The following RGS7 variants were observed in gnomAD, a reference collection of about 807,000 sequenced individuals.
The protein encoded by RGS7 is regulator of G protein signaling 7, also known as regulator of G-protein signaling 7.
Under a neutral mutation model 81.1 loss-of-function variants are expected in RGS7, and 27 were observed. The ratio of observed to expected loss-of-function variants is 0.33; its 90% CI spans 0.25 to 0.46. The LOEUF (loss-of-function observed/expected upper bound fraction) is 0.46. RGS7 is among the 20% of genes least tolerant of loss of function. The pLI, the probability that RGS7 is intolerant of heterozygous loss-of-function variation, is 1.00. For missense variants in RGS7, 396 were observed against 607.4 expected (o/e 0.65, Z 3.66); for synonymous variants, 208 against 207.7 (o/e 1.00, Z -0.01).
chr1:241,220,989 G>A (rs2074900680), intron 2 of RGS7, among the ~76,000 whole-genome samples: 1 of 74,302 alleles, frequency 1.3e-5, no homozygotes, highest in Non-Finnish European at 2.9e-5. Context: ...AAGGAAGGAA[G>A]GAAGGAAGAG....
chr1:240,852,126 CAATT>C (rs1660217541), intron 9 of RGS7, among the ~76,000 whole-genome samples: 2 of 152,088 alleles, frequency 1.3e-5, no homozygotes, highest in Non-Finnish European at 2.9e-5. Flanking sequence ...AAAAAAGAGT[CAATT>C]GATGTGGCAA....
At chr1:240,830,401 T>C (rs900398430) in intron 9 of RGS7, among the ~76,000 whole-genome samples, 2 of 152,236 alleles carry the variant, frequency 1.3e-5, no homozygotes, top group Non-Finnish European at 2.9e-5. Context: ...AACCTGTCTA[T>C]AGCAGAAATC....
At chr1:240,827,322 C>T in intron 9 of RGS7, 150 bp from the exon 10 acceptor site, 4 of 712,322 alleles carry the variant, frequency 5.6e-6, no homozygotes, top group Non-Finnish European at 1.0e-5. Flanking sequence ...ACAGCCAGTC[C>T]CATCAGCAGT....
intron 2 of RGS7, among the ~76,000 whole-genome samples, chr1:241,281,581 T>G (rs1424414186): frequency 6.6e-6 from 1 of 152,212 alleles, no homozygotes; most frequent in South Asian, 2.1e-4. Context: ...TTGCTTGATA[T>G]GTACCATAGA....
At chr1:240,888,863 G>C (rs139051656) in intron 6 of RGS7, among the ~76,000 whole-genome samples, 22 of 152,102 alleles carry the variant, frequency 1.4e-4, no homozygotes, top group Non-Finnish European at 5.9e-5. Context: ...TAGGGAACGC[G>C]GAGGCAGAGA....
At chr1:241,083,957 T>C (rs536711664) in intron 3 of RGS7, among the ~76,000 whole-genome samples, 18 of 152,146 alleles carry the variant, frequency 1.2e-4, no homozygotes, top group South Asian at 6.2e-4. Context: ...GGCGGTCTTA[T>C]AGGCGTCACA....
chr1:240,982,603 TTC>T (rs201762589), intron 4 of RGS7, among the ~76,000 whole-genome samples: 2 of 151,938 alleles, frequency 1.3e-5, no homozygotes, highest in South Asian at 2.1e-4. Context: ...AATAGAGCGT[TTC>T]TCTCTCTCTC....
At chr1:240,841,126 T>C (rs1444446442) in intron 9 of RGS7, among the ~76,000 whole-genome samples, 1 of 152,198 alleles carries the variant, frequency 6.6e-6, no homozygotes, top group Non-Finnish European at 1.5e-5. Context: ...TCAAATGTTC[T>C]TTTCCTGTGC....
chr1:241,280,658 C>T (rs114318543), intron 2 of RGS7, among the ~76,000 whole-genome samples: 141 of 152,228 alleles, frequency 9.3e-4, no homozygotes, highest in Non-Finnish European at 1.7e-3. Context: ...TCACCATGCT[C>T]GGCTATTTTT....
rs1365657148 is a variant in RGS7, at chr1:240,812,048, A to C, written c.957-5T>G. The C allele has an allele frequency of 1.9e-6, 3 of 1,614,150 alleles. No individual in the cohort carries two copies. The highest frequency in any genetic ancestry group is 2.5e-6 in the Non-Finnish European group (3 of 1,180,018). ...CTCTGCTGGCTCGGTTCTTTGCTAT[A>C]GAAGATAAAACAAAGGCAAATACAT... On this transcript the variant is annotated splice_region_variant and splice_polypyrimidine_tract_variant and intron_variant, in intron 13 of 18. Coordinates refer to ENST00000440928, the MANE Select transcript of RGS7 (RefSeq NM_001364886.1).
chr1:241,205,692 C>A (rs1023970057), intron 2 of RGS7, among the ~76,000 whole-genome samples: 2 of 151,790 alleles, frequency 1.3e-5, no homozygotes, highest in Non-Finnish European at 2.9e-5. Flanking sequence ...AACTCTAGAC[C>A]TCAGGTGATC....
At chr1:240,892,493 G>A (rs1283288343) in intron 6 of RGS7, among the ~76,000 whole-genome samples, 1 of 152,150 alleles carries the variant, frequency 6.6e-6, no homozygotes, top group Non-Finnish European at 1.5e-5. Context: ...CATCTAAAAC[G>A]TTGCTTTTCA....
chr1:241,256,514 G>C (rs1365201871), intron 2 of RGS7, among the ~76,000 whole-genome samples: 1 of 152,092 alleles, frequency 6.6e-6, no homozygotes, highest in Non-Finnish European at 1.5e-5. Context: ...GTCATACTCA[G>C]GTCAGGTTGC....
intron 9 of RGS7, among the ~76,000 whole-genome samples, chr1:240,830,685 A>G (rs1693685515): frequency 1.3e-5 from 2 of 152,192 alleles, no homozygotes; most frequent in Non-Finnish European, 2.9e-5. Context: ...TATAGAAAAT[A>G]AAGAAACTGT....
intron 3 of RGS7, among the ~76,000 whole-genome samples, chr1:241,038,513 G>T (rs1175881963): frequency 6.6e-6 from 1 of 152,190 alleles, no homozygotes; most frequent in Non-Finnish European, 1.5e-5. Flanking sequence ...TTAATAGAAA[G>T]TTTGGGTATA....
rs937820376 is a variant in RGS7 at position 241,150,487 on chromosome 1, A to C, written c.79-51725T>G. Among the ~76,000 whole-genome samples, 65 of 152,212 alleles carry C rather than the reference A, an allele frequency of 4.3e-4. 1 individual carries two copies. The highest frequency in any genetic ancestry group is 1.4e-3 in the African/African-American group (59 of 41,450). On this transcript the variant is annotated intron_variant, in intron 2 of 18. Coordinates refer to ENST00000440928, the MANE Select transcript of RGS7 (RefSeq NM_001364886.1). The stretch of plus-strand genomic sequence containing the variant: ...TTGAGGATATAAATCTGATATGTAT[A>C]TTAAGGGTTCAAAATGGTAGGATTA...
At chr1:241,261,317 C>G (rs1410552130) in intron 2 of RGS7, among the ~76,000 whole-genome samples, 1 of 151,954 alleles carries the variant, frequency 6.6e-6, no homozygotes, top group Non-Finnish European at 1.5e-5. Flanking sequence ...GCCCTGTGCT[C>G]TAGTTTCAGC....
At chr1:241,264,505 A>G (rs2077489221) in intron 2 of RGS7, among the ~76,000 whole-genome samples, 1 of 152,212 alleles carries the variant, frequency 6.6e-6, no homozygotes, top group African/African-American at 2.4e-5. Flanking sequence ...TCAAAGAAAA[A>G]AAAAAGACAT....
chr1:240,923,263 T>A (rs182528105), intron 6 of RGS7, among the ~76,000 whole-genome samples: 44 of 152,204 alleles, frequency 2.9e-4, no homozygotes, highest in African/African-American at 1.0e-3. Flanking sequence ...ATGTTATACA[T>A]TTCTGAAAAC....
Sources: allele counts gnomAD v4.1 joint callset (sites outside exome capture counted in the v4.1 genomes callset), GRCh38; gene constraint gnomAD v4.1.1; transcripts MANE v1.5; gene names NCBI Gene and HGNC (gene_info 2026-07-23, HGNC 2026-07-21).